The following PRKCSH variants were observed in gnomAD, a reference collection of about 807,000 sequenced individuals.
PRKCSH encodes PRKCSH beta subunit of glucosidase II.
In PRKCSH, 42 loss-of-function variants were observed where a neutral mutation model predicts 79.7. The ratio of observed to expected loss-of-function variants is 0.53; its 90% CI spans 0.41 to 0.68. PRKCSH has a LOEUF of 0.68. Among genes scored for constraint, PRKCSH ranks in the 30% least tolerant of loss-of-function variants. PRKCSH has a pLI of 0.00. For missense variants in PRKCSH, 686 were observed against 709.0 expected (o/e 0.97, Z 0.37); for synonymous variants, 325 against 288.2 (o/e 1.13, Z -1.29).
At position 11,437,421 on chromosome 19, in the gene PRKCSH, G is replaced by A. The variant is rs991979140; in HGVS notation, c.197-455G>A. Among the ~76,000 whole-genome samples the A allele has an allele frequency of 8.0e-5, 12 of 150,732 alleles. No individual in the cohort carries two copies. In the South Asian group the frequency reaches 2.5e-3, roughly 32 times the overall value. On this transcript the variant is annotated intron_variant, in intron 3 of 17. Transcript: ENST00000677123. ...GGCTGGAGTGCAGTGGCATGATCTT[G>A]GCTCACTGCAGTCTCCACCTCCCGG...
intron 6 of PRKCSH, 85 bp from the exon 7 acceptor site, chr19:11,442,301 C>A: frequency 6.6e-7 from 1 of 1,506,918 alleles, no homozygotes; most frequent in Non-Finnish European, 9.0e-7. Context: ...CCCTGCTGCC[C>A]TGTGGAGTAG....
At chr19:11,437,780 T>G in intron 3 of PRKCSH, 96 bp from the exon 4 acceptor site, 1 of 1,028,408 alleles carries the variant, frequency 9.7e-7, no homozygotes, top group Non-Finnish European at 1.5e-6. Context: ...TCTTGTGCTG[T>G]GTGCAGTGTG....
At position 11,448,025 on chromosome 19, in the gene PRKCSH, A is replaced by G. The variant is rs1970403910; in HGVS notation, c.1127-197A>G. The G allele has an allele frequency of 1.3e-6, 1 of 754,850 alleles. No homozygotes were observed. Among genetic ancestry groups the G allele is most frequent in the East Asian group, 2.7e-5 (1 of 37,068 alleles). The allele number at this position is 754,850 out of a possible 1,614,324, so 46.8% of individuals were successfully genotyped here. On this transcript the variant is annotated intron_variant, in intron 12 of 17. Transcript: ENST00000677123. This position sits in a 1 kb window ranked among gnomAD's most constrained non-coding sequence, Gnocchi z 4.4. ...GCTTGTTTGTGTCACTCCTGGCCCC[A>G]CTCGCTCAGGAGCTGGGAGCCTGGG...
At chr19:11,439,490 C>T (rs1282819578) in intron 5 of PRKCSH, among the ~76,000 whole-genome samples, 1 of 151,284 alleles carries the variant, frequency 6.6e-6, no homozygotes, top group African/African-American at 2.4e-5. Flanking sequence ...GCATGTGGCT[C>T]ACACCTGTAA....
chr19:11,439,954 G>A (rs1257704123), intron 5 of PRKCSH, among the ~76,000 whole-genome samples: 1 of 151,444 alleles, frequency 6.6e-6, no homozygotes, highest in Non-Finnish European at 1.5e-5. Context: ...GTGTGTTGGT[G>A]CGTGTCTGTA....
intron 7 of PRKCSH, among the ~76,000 whole-genome samples, chr19:11,443,718 A>T (rs1970170314): frequency 6.6e-6 from 1 of 152,120 alleles, no homozygotes; most frequent in Non-Finnish European, 1.5e-5. Context: ...TAAAAAAAAT[A>T]ATAAAGAGCT....
At position 11,448,022 on chromosome 19, in the gene PRKCSH, C is replaced by T. The variant is rs1322684190; in HGVS notation, c.1127-200C>T. 8 of 752,078 alleles carry T rather than the reference C, an allele frequency of 1.1e-5. No homozygotes were observed. The highest frequency in any genetic ancestry group is 8.7e-5 in the African/African-American group (5 of 57,150). 46.6% of individuals were successfully genotyped at this position (752,078 alleles called of 1,614,324 possible). On this transcript the variant is annotated intron_variant, in intron 12 of 17. Transcript: ENST00000677123. The surrounding 1 kb of genome is among the most constrained non-coding windows in gnomAD (Gnocchi z 4.4). ...GCAGCTTGTTTGTGTCACTCCTGGC[C>T]CCACTCGCTCAGGAGCTGGGAGCCT...
rs112495629 is a variant in PRKCSH, at chr19:11,447,133, C to T, written c.822C>T (p.Ala274=). Residue 274 remains alanine, a synonymous_variant, in exon 10 of 18, where the codon GCC becomes GCT. Transcript: ENST00000677123. This position sits in a 1 kb window ranked among gnomAD's most constrained non-coding sequence, Gnocchi z 5.6. ...DATSFYDRVW[A]AIRDKYRSEA... ...CCTCTTTCTACGACCGCGTCTGGGC[C>T]GCCATCAGGGACAAGTACCGGTCCG... is the stretch of plus-strand genomic sequence containing the variant. 1.9e-4 allele frequency: 313 copies of T among 1,613,970 alleles called. 2 individuals carry two copies. The African/African-American group carries it at 3.2e-3, about 17-fold the overall frequency.
In PRKCSH at chr19:11,449,584, C is replaced by A; in HGVS notation, c.*16+156C>A. 1 of 1,044,352 alleles carries A rather than the reference C, an allele frequency of 9.6e-7. No homozygotes were observed. The highest frequency in any genetic ancestry group is 1.4e-6 in the Non-Finnish European group (1 of 723,166). The allele number at this position is 1,044,352 out of a possible 1,614,324, so 64.7% of individuals were successfully genotyped here. On this transcript the variant is annotated intron_variant, in intron 17 of 17. Coordinates refer to ENST00000677123, the MANE Select transcript of PRKCSH (RefSeq NM_001289104.2). The surrounding 1 kb of genome is among the most constrained non-coding windows in gnomAD (Gnocchi z 6.4). ...TTGAGGTGGAGTCTCACTCTTTGGC[C>A]CAGGCTGGAGTGCAGTGATGCGACC...
At chr19:11,439,197 T>C (rs1034591087) in intron 5 of PRKCSH, among the ~76,000 whole-genome samples, 6 of 152,036 alleles carry the variant, frequency 3.9e-5, no homozygotes, top group African/African-American at 7.2e-5. Context: ...TTGGCCACGA[T>C]GATTAGGTTT....
intron 7 of PRKCSH, among the ~76,000 whole-genome samples, chr19:11,442,944 TC>T (rs1207819619): frequency 6.6e-6 from 1 of 151,978 alleles, no homozygotes; most frequent in Non-Finnish European, 1.5e-5. Context: ...CCTCAAGTGA[TC>T]CACCTGCCTT....
Position 11,448,777 on chromosome 19 carries a change from C to G in PRKCSH, c.1287-137C>G. 7.5e-7 allele frequency: 1 copy of G among 1,340,122 alleles called. No homozygotes were observed. Among genetic ancestry groups the G allele is most frequent in the Non-Finnish European group, 1.1e-6 (1 of 937,270 alleles). 83.0% of individuals were successfully genotyped at this position (1,340,122 alleles called of 1,614,324 possible). ...TTCCATATTGAGGGGGAGCAGAAGC[C>G]AGGGGCCAGGTTTAGGGTTGGTCAT... On this transcript the variant is annotated intron_variant, in intron 14 of 17. Coordinates refer to ENST00000677123, the MANE Select transcript of PRKCSH (RefSeq NM_001289104.2). This position sits in a 1 kb window ranked among gnomAD's most constrained non-coding sequence, Gnocchi z 4.4.
chr19:11,447,558 A>AT lies in PRKCSH; in HGVS notation c.969_970insT (p.Glu324Ter). 1 of 1,559,380 alleles carries AT rather than the reference A, an allele frequency of 6.4e-7. No homozygotes were observed. The highest frequency in any genetic ancestry group is 8.8e-7 in the Non-Finnish European group (1 of 1,137,590). On this transcript the variant is annotated frameshift_variant, in exon 11 of 18. Transcript: ENST00000677123. LOFTEE classifies it high-confidence loss of function. This position sits in a 1 kb window ranked among gnomAD's most constrained non-coding sequence, Gnocchi z 5.6. ...AGGAGGAGGAGGAGGAGGAGGAGGA[A>AT]GAAGAGGCTGAAGAAGAGGAGGAGG...
At chr19:11,439,000 C>A (rs558354285) in intron 5 of PRKCSH, among the ~76,000 whole-genome samples, 3 of 151,984 alleles carry the variant, frequency 2.0e-5, no homozygotes, top group African/African-American at 7.2e-5. Context: ...CTCTGCCCTT[C>A]GGGTTCAAGC....
intron 5 of PRKCSH, 74 bp downstream of exon 5, chr19:11,438,198 CA>C: frequency 6.7e-7 from 1 of 1,497,932 alleles, no homozygotes; most frequent in Non-Finnish European, 9.3e-7. Context: ...GAATCGGGCC[CA>C]CTCTCTCTTC....
intron 5 of PRKCSH, 39 bp downstream of exon 5, chr19:11,438,163 A>C: frequency 6.2e-7 from 1 of 1,609,794 alleles, no homozygotes; most frequent in Non-Finnish European, 8.5e-7. Flanking sequence ...ACCCCACCCC[A>C]AGACTTTGCC....
At chr19:11,445,677 C>A in intron 8 of PRKCSH, 1 of 637,824 alleles carries the variant, frequency 1.6e-6, no homozygotes, top group Non-Finnish European at 2.9e-6. Flanking sequence ...AGGGGGACCA[C>A]CCTCTCCCCA....
chr19:11,449,259 T>C lies in PRKCSH; in HGVS notation c.1462-7T>C, dbSNP rs754751948. Reference sequence around the variant, plus strand: ...ACCCTCTCGAGCACCCGTCTGCCCATCCCCAGGTGCGCCTCCTGTGCGGGA... The same window carrying C: ...ACCCTCTCGAGCACCCGTCTGCCCACCCCCAGGTGCGCCTCCTGTGCGGGA... On this transcript the variant is annotated splice_region_variant and splice_polypyrimidine_tract_variant and intron_variant, in intron 16 of 17. Transcript: ENST00000677123. This position sits in a 1 kb window ranked among gnomAD's most constrained non-coding sequence, Gnocchi z 6.4. 1.9e-6 allele frequency: 3 copies of C among 1,613,594 alleles called. No homozygotes were observed. The Admixed American group carries it at 5.0e-5, about 27-fold the overall frequency.
intron 7 of PRKCSH, among the ~76,000 whole-genome samples, chr19:11,443,199 G>T (rs529813510): frequency 6.6e-6 from 1 of 151,372 alleles, no homozygotes; most frequent in Non-Finnish European, 1.5e-5. Flanking sequence ...GATCACCTGA[G>T]GTCAGGAGTT....
Sources: allele counts gnomAD v4.1 joint callset (sites outside exome capture counted in the v4.1 genomes callset), GRCh38; gene constraint gnomAD v4.1.1; non-coding constraint Gnocchi (gnomAD v3.1); transcripts MANE v1.5; gene names NCBI Gene and HGNC (gene_info 2026-07-23, HGNC 2026-07-21).